TBL1X: variants seen among roughly 807,000 people sequenced by gnomAD.
TBL1X encodes the protein F-box-like/WD repeat-containing protein TBL1X.
TBL1X carries 10 observed loss-of-function variants against 50.7 expected under a neutral mutation model. The observed-to-expected ratio is 0.20, with a 90% CI of 0.12 to 0.33. The LOEUF (loss-of-function observed/expected upper bound fraction) is 0.33. Ranked by LOEUF, TBL1X falls within the 10% of genes least tolerant of loss-of-function variation. The pLI is 1.00. For missense variants in TBL1X, 340 were observed against 504.4 expected (o/e 0.67, Z 3.12); for synonymous variants, 190 against 214.7 (o/e 0.88, Z 1.01).
At chrX:9,522,458 C>G (rs2082111685) in intron 2 of TBL1X, among the ~76,000 whole-genome samples, 2 of 111,109 alleles carry the variant, frequency 1.8e-5, no homozygotes. Context: ...GGAAGCGAAA[C>G]CTGCAGGCCC....
chrX:9,648,165 G>A (rs932724357), intron 3 of TBL1X, among the ~76,000 whole-genome samples: 1 of 111,408 alleles, frequency 9.0e-6, no homozygotes, highest in African/African-American at 3.3e-5. Context: ...CTCTCAGGAC[G>A]TGAGCTACCT....
intron 2 of TBL1X, among the ~76,000 whole-genome samples, chrX:9,639,208 C>T (rs1208076015): frequency 9.0e-6 from 1 of 110,709 alleles, no homozygotes; most frequent in South Asian, 3.8e-4. Context: ...AAACATGACT[C>T]AGTGGGAATA....
intron 2 of TBL1X, among the ~76,000 whole-genome samples, chrX:9,607,839 G>A (rs1190265934): frequency 2.8e-5 from 3 of 108,853 alleles, no homozygotes; most frequent in African/African-American, 6.7e-5. Flanking sequence ...TTGAGATGAA[G>A]TCTTCACTCT....
rs2082357942 is a variant in TBL1X, at chrX:9,567,560, T to TC, written c.-131+65712dup. 2.7e-5 allele frequency among the ~76,000 whole-genome samples: 3 copies of TC among 111,748 alleles called. No individual in the cohort carries two copies. In the South Asian group the frequency reaches 1.1e-3, roughly 42 times the overall value. Reference sequence around the variant, plus strand: ...AGCTTGGGGGACGCTGGTGTCCCACTCAAACCGGTTGTCCAGTATTTTGGT... The same window carrying TC: ...AGCTTGGGGGACGCTGGTGTCCCACTCCAAACCGGTTGTCCAGTATTTTGGT... On this transcript the variant is annotated intron_variant, in intron 2 of 17. Transcript: ENST00000645353.
intron 1 of TBL1X, among the ~76,000 whole-genome samples, chrX:9,494,046 C>T (rs1337005615): frequency 3.6e-5 from 4 of 111,677 alleles, no homozygotes; most frequent in Non-Finnish European, 5.6e-5. Context: ...CTGTTCACAG[C>T]CCTTGATCTG....
intron 2 of TBL1X, among the ~76,000 whole-genome samples, chrX:9,506,370 T>C (rs745477996): frequency 9.0e-6 from 1 of 111,415 alleles, no homozygotes; most frequent in African/African-American, 3.3e-5. Flanking sequence ...ATCAGCACCC[T>C]AACATCACAA....
Position 9,717,446 on chromosome X carries a change from G to A in TBL1X, c.*1200G>A, listed in dbSNP as rs1156473224. ...TCTGGCTGGACAAGGGTCAGTCTTC[G>A]GGGTCAGCAGCGAGATTGCTCTGCA... On this transcript the variant is annotated 3_prime_UTR_variant, in exon 18 of 18. Transcript: ENST00000645353. The A allele has an allele frequency of 8.9e-6, 1 of 111,749 alleles. No individual in the cohort carries two copies. Among genetic ancestry groups the A allele is most frequent in the African/African-American group, 3.3e-5 (1 of 30,756 alleles). The allele number at this position is 111,749 out of a possible 1,213,427, so 9.2% of individuals were successfully genotyped here. A position where few individuals can be genotyped will look rare whatever the true frequency, so the allele number is the denominator to read the frequency against.
At position 9,716,971 on chromosome X, in the gene TBL1X, C is replaced by T. The variant is rs1046899315; in HGVS notation, c.*725C>T. On this transcript the variant is annotated 3_prime_UTR_variant, in exon 18 of 18. Transcript: ENST00000645353. ...AGTGCACCATCAAGAGATGCAGCCC[C>T]GTGGACATGAAGACACAATCTCCCA... is the stretch of plus-strand genomic sequence containing the variant. 9.1e-6 allele frequency: 1 copy of T among 110,434 alleles called. No individual in the cohort carries two copies. The highest frequency in any genetic ancestry group is 1.9e-5 in the Non-Finnish European group (1 of 52,847). The allele number at this position is 110,434 out of a possible 1,213,427, so 9.1% of individuals were successfully genotyped here.
chrX:9,565,372 G>GA (rs1030340528), intron 2 of TBL1X, among the ~76,000 whole-genome samples: 48 of 107,656 alleles, frequency 4.5e-4, no homozygotes, highest in Middle Eastern at 4.8e-3. Context: ...TGATTTAGCT[G>GA]AAAAAAAAAG....
At chrX:9,631,542 TCATGTTTAACCTTATCA>T in intron 2 of TBL1X, among the ~76,000 whole-genome samples, 1 of 112,427 alleles carries the variant, frequency 8.9e-6, no homozygotes, top group East Asian at 2.8e-4. Context: ...TTGACAATTT[TCATGTTTAACCTTATCA>T]CAATCTATGT....
intron 2 of TBL1X, among the ~76,000 whole-genome samples, chrX:9,516,457 G>A (rs749234260): frequency 4.5e-5 from 5 of 112,080 alleles, no homozygotes; most frequent in Non-Finnish European, 7.5e-5. Context: ...CAGCACAGAC[G>A]GAGATAAAGA....
At chrX:9,714,793 C>T in intron 16 of TBL1X, 109 bp from the exon 17 acceptor site, 5 of 783,783 alleles carry the variant, frequency 6.4e-6, no homozygotes, top group Non-Finnish European at 9.4e-6. Flanking sequence ...TTTCACCATG[C>T]TTGAAAATGT....
At chrX:9,659,476 A>T (rs2082884691) in intron 5 of TBL1X, among the ~76,000 whole-genome samples, 1 of 112,833 alleles carries the variant, frequency 8.9e-6, no homozygotes, top group Non-Finnish European at 1.9e-5. Context: ...TCCATTTTGA[A>T]TGCTGTTTCT....
intron 5 of TBL1X, among the ~76,000 whole-genome samples, chrX:9,665,488 GCTATATATATATATAT>G (rs1300680226): frequency 6.6e-5 from 1 of 15,063 alleles, no homozygotes; most frequent in East Asian, 2.9e-3. Flanking sequence ...TGATATTCAA[GCTATATATATATATAT>G]ATATATATAT....
chrX:9,629,880 G>T (rs1314939902), intron 2 of TBL1X, among the ~76,000 whole-genome samples: 1 of 110,973 alleles, frequency 9.0e-6, no homozygotes. Context: ...TTGTATGGGA[G>T]TGAGGAGCAG....
In TBL1X at chrX:9,565,668, A is replaced by G. The variant is rs897755266; in HGVS notation, c.-131+63819A>G. 7.2e-5 allele frequency among the ~76,000 whole-genome samples: 8 copies of G among 110,434 alleles called. No individual in the cohort carries two copies. In the Admixed American group the frequency reaches 7.7e-4, roughly 11 times the overall value. On this transcript the variant is annotated intron_variant, in intron 2 of 17. Coordinates refer to ENST00000645353, the MANE Select transcript of TBL1X (RefSeq NM_005647.4). ...GCATAGCGTGACCCTTTCTCTACCA[A>G]AAAATTTAAAGCATTAGCCAGGCAT...
At chrX:9,564,764 T>G (rs2082340821) in intron 2 of TBL1X, among the ~76,000 whole-genome samples, 1 of 107,860 alleles carries the variant, frequency 9.3e-6, no homozygotes, top group South Asian at 4.1e-4. Flanking sequence ...GGAGAAAGTT[T>G]GGTGTTAGTG....
At chrX:9,651,687 C>T (rs1218110384) in intron 3 of TBL1X, among the ~76,000 whole-genome samples, 1 of 112,364 alleles carries the variant, frequency 8.9e-6, no homozygotes, top group African/African-American at 3.2e-5. Flanking sequence ...TGCATGCTGT[C>T]TTTTGAGAGA....
At chrX:9,628,008 T>C (rs2082701354) in intron 2 of TBL1X, among the ~76,000 whole-genome samples, 1 of 112,583 alleles carries the variant, frequency 8.9e-6, no homozygotes, top group African/African-American at 3.2e-5. Flanking sequence ...TGTTCAAGAA[T>C]GTTAGGAATG....
Sources: allele counts gnomAD v4.1 joint callset (sites outside exome capture counted in the v4.1 genomes callset), GRCh38; gene constraint gnomAD v4.1.1; transcripts MANE v1.5; gene names NCBI Gene and HGNC (gene_info 2026-07-23, HGNC 2026-07-21).